Variants in LRRC4C observed in about 807,000 individuals in gnomAD.
LRRC4C encodes the protein leucine rich repeat containing 4C.
LRRC4C carries 5 observed loss-of-function variants against 33.6 expected under a neutral mutation model. The observed-to-expected ratio is 0.15, with a 90% CI of 0.08 to 0.31. The LOEUF (loss-of-function observed/expected upper bound fraction) is 0.31. LRRC4C is among the 10% of genes least tolerant of loss of function. The pLI is 1.00. For missense variants in LRRC4C, 560 were observed against 796.7 expected (o/e 0.70, Z 3.58); for synonymous variants, 329 against 302.0 (o/e 1.09, Z -0.93).
intron 3 of LRRC4C, among the ~76,000 whole-genome samples, chr11:40,453,803 G>GGGGTGA (rs1322468259): frequency 2.0e-5 from 3 of 152,124 alleles, no homozygotes; most frequent in Non-Finnish European, 4.4e-5. Context: ...GGCTTATGGT[G>GGGGTGA]GGGTGAGAAA....
In LRRC4C at chr11:40,441,238, A is replaced by G. The variant is rs866564168; in HGVS notation, c.-269-121517T>C. On this transcript the variant is annotated intron_variant, in intron 3 of 6. Coordinates refer to ENST00000528697, the MANE Select transcript of LRRC4C (RefSeq NM_001258419.2). The stretch of plus-strand genomic sequence containing the variant: ...GGCTCCTGTTGGGTCACTGAAGGAC[A>G]GGTTGTAGATATTTGCTCAACTGCT... Among the ~76,000 whole-genome samples, 32 of 152,316 alleles carry G rather than the reference A, an allele frequency of 2.1e-4. No individual in the cohort carries two copies. In the Middle Eastern group the frequency reaches 0.01, roughly 49 times the overall value.
chr11:40,750,708 C>T (rs1411497866), intron 2 of LRRC4C, among the ~76,000 whole-genome samples: 3 of 149,226 alleles, frequency 2.0e-5, no homozygotes, highest in South Asian at 2.1e-4. Context: ...ATGTTAATGA[C>T]GAGTTAATGG....
chr11:41,386,739 T>C (rs183593149), intron 1 of LRRC4C, among the ~76,000 whole-genome samples: 130 of 151,856 alleles, frequency 8.6e-4, no homozygotes, highest in African/African-American at 3.1e-3. Flanking sequence ...GACTGAATAA[T>C]GTCTTCATGT....
At chr11:41,168,518 T>C (rs141187341) in intron 1 of LRRC4C, among the ~76,000 whole-genome samples, 1 of 152,282 alleles carries the variant, frequency 6.6e-6, no homozygotes, top group African/African-American at 2.4e-5. Flanking sequence ...CTCTAATCTG[T>C]ACTTAATGAT....
At chr11:40,185,592 C>T (rs1038223716) in intron 5 of LRRC4C, among the ~76,000 whole-genome samples, 5 of 152,240 alleles carry the variant, frequency 3.3e-5, no homozygotes, top group Admixed American at 1.3e-4. Context: ...CTTTGTCAAG[C>T]GCCTCCAAAG....
At chr11:40,616,030 C>T (rs996656859) in intron 3 of LRRC4C, among the ~76,000 whole-genome samples, 8 of 151,678 alleles carry the variant, frequency 5.3e-5, no homozygotes, top group South Asian at 2.1e-4. Flanking sequence ...TATCAGGATC[C>T]GGAATCTACA....
chr11:40,654,645 A>AGACTTTGAACTTT (rs1943002848), intron 2 of LRRC4C, among the ~76,000 whole-genome samples: 1 of 152,136 alleles, frequency 6.6e-6, no homozygotes, highest in Non-Finnish European at 1.5e-5. Flanking sequence ...GTCTCAGATG[A>AGACTTTGAACTTT]GACTTTGAAC....
chr11:40,448,961 T>C (rs1332115357), intron 3 of LRRC4C, among the ~76,000 whole-genome samples: 2 of 152,232 alleles, frequency 1.3e-5, no homozygotes, highest in Non-Finnish European at 2.9e-5. Context: ...TGAAATGATA[T>C]CTCATTGTGG....
At chr11:41,328,013 T>C (rs1292033348) in intron 1 of LRRC4C, among the ~76,000 whole-genome samples, 2 of 152,164 alleles carry the variant, frequency 1.3e-5, no homozygotes, top group Non-Finnish European at 2.9e-5. Flanking sequence ...TTTTTCATGC[T>C]TCACCCTTTG....
chr11:40,591,795 T>C (rs1959070906), intron 3 of LRRC4C, among the ~76,000 whole-genome samples: 1 of 152,230 alleles, frequency 6.6e-6, no homozygotes, highest in Admixed American at 6.5e-5. Context: ...TTCTTGTAAA[T>C]GCCTATATTA....
intron 5 of LRRC4C, among the ~76,000 whole-genome samples, chr11:40,168,079 C>CA (rs1179631027): frequency 2.0e-5 from 3 of 151,828 alleles, no homozygotes; most frequent in Non-Finnish European, 4.4e-5. Flanking sequence ...CAAAACAAAA[C>CA]AAAAAAACTA....
At chr11:40,894,066 T>C (rs1955835432) in intron 2 of LRRC4C, among the ~76,000 whole-genome samples, 1 of 152,122 alleles carries the variant, frequency 6.6e-6, no homozygotes, top group African/African-American at 2.4e-5. Context: ...GCTGGTTCAG[T>C]TTGTTAATTG....
intron 1 of LRRC4C, among the ~76,000 whole-genome samples, chr11:41,303,550 C>A (rs1323108030): frequency 1.1e-5 from 1 of 91,160 alleles, no homozygotes; most frequent in South Asian, 4.4e-4. Flanking sequence ...GGCCGCCCAT[C>A]GTCTGGGATG....
At chr11:40,565,588 C>G (rs1197158284) in intron 3 of LRRC4C, among the ~76,000 whole-genome samples, 1 of 152,172 alleles carries the variant, frequency 6.6e-6, no homozygotes, top group East Asian at 1.9e-4. Context: ...AAACTCCCTT[C>G]CTTCCATTAC....
At chr11:41,098,638 G>A (rs1467130499) in intron 1 of LRRC4C, among the ~76,000 whole-genome samples, 3 of 152,110 alleles carry the variant, frequency 2.0e-5, no homozygotes, top group Admixed American at 1.3e-4. Context: ...GTACCTTAGT[G>A]ACCTAGGAAA....
At chr11:40,183,451 T>C (rs1430129769) in intron 5 of LRRC4C, among the ~76,000 whole-genome samples, 2 of 152,212 alleles carry the variant, frequency 1.3e-5, no homozygotes, top group East Asian at 3.9e-4. Context: ...TGCAATGCTC[T>C]TCCTGTAACA....
intron 3 of LRRC4C, among the ~76,000 whole-genome samples, chr11:40,555,434 G>T: frequency 6.6e-6 from 1 of 151,976 alleles, no homozygotes; most frequent in East Asian, 1.9e-4. Context: ...TTCTTATTTT[G>T]GACCAAAAAA....
At chr11:40,946,968 T>C (rs779068391) in intron 1 of LRRC4C, among the ~76,000 whole-genome samples, 1 of 152,264 alleles carries the variant, frequency 6.6e-6, no homozygotes, top group African/African-American at 2.4e-5. Context: ...AATAGATCCC[T>C]AAAACTACAC....
intron 3 of LRRC4C, among the ~76,000 whole-genome samples, chr11:40,567,418 A>G (rs1957808691): frequency 6.6e-6 from 1 of 152,306 alleles, no homozygotes; most frequent in East Asian, 1.9e-4. Context: ...CACAAATGTT[A>G]TCTCTTTTAA....
Sources: allele counts gnomAD v4.1 joint callset (sites outside exome capture counted in the v4.1 genomes callset), GRCh38; gene constraint gnomAD v4.1.1; transcripts MANE v1.5; gene names NCBI Gene and HGNC (gene_info 2026-07-23, HGNC 2026-07-21).